PLCXD2: variants seen among roughly 807,000 people sequenced by gnomAD.
PLCXD2 encodes PI-PLC X domain-containing protein 2.
In PLCXD2, 21 loss-of-function variants were observed where a neutral mutation model predicts 28.6. That is an observed-to-expected ratio of 0.73 (90% CI 0.52 to 1.06). PLCXD2 has a LOEUF of 1.06. Ranked by LOEUF, PLCXD2 falls within the 50% of genes least tolerant of loss-of-function variation. PLCXD2 has a pLI of 0.00. For missense variants in PLCXD2, 369 were observed against 376.7 expected (o/e 0.98, Z 0.17); for synonymous variants, 140 against 150.1 (o/e 0.93, Z 0.49).
At chr3:111,691,879 G>A (rs1170005550) in intron 1 of PLCXD2, among the ~76,000 whole-genome samples, 4 of 152,212 alleles carry the variant, frequency 2.6e-5, no homozygotes, top group Non-Finnish European at 5.9e-5. Context: ...ATGAGATCAT[G>A]TAAGTAAAAT....
At chr3:111,695,142 AT>A (rs201248391) in intron 1 of PLCXD2, among the ~76,000 whole-genome samples, 9,495 of 126,756 alleles carry the variant, frequency 0.075, 363 homozygotes, top group South Asian at 0.15. Context: ...CCTAAATCTC[AT>A]TTTTTTACCC....
At chr3:111,704,590 C>T (rs1485355471) in intron 1 of PLCXD2, among the ~76,000 whole-genome samples, 4 of 152,126 alleles carry the variant, frequency 2.6e-5, no homozygotes, top group African/African-American at 4.8e-5. Context: ...AATAATTGCA[C>T]ATATTTATGG....
intron 1 of PLCXD2, among the ~76,000 whole-genome samples, chr3:111,688,843 A>G (rs1278232898): frequency 6.6e-6 from 1 of 151,382 alleles, no homozygotes; most frequent in African/African-American, 2.4e-5. Flanking sequence ...AAAAGAATTA[A>G]ATAAGATATA....
chr3:111,693,759 G>A (rs551772026), intron 1 of PLCXD2, among the ~76,000 whole-genome samples: 18 of 152,254 alleles, frequency 1.2e-4, no homozygotes, highest in African/African-American at 4.3e-4. Flanking sequence ...TCTTTTTTAA[G>A]ATGTTCATCT....
intron 1 of PLCXD2, among the ~76,000 whole-genome samples, chr3:111,701,184 T>C (rs1941037092): frequency 6.6e-6 from 1 of 152,234 alleles, no homozygotes; most frequent in Admixed American, 6.5e-5. Context: ...TAATTACAGT[T>C]CAGCACTTAC....
chr3:111,680,055 G>A (rs922651863), intron 1 of PLCXD2, among the ~76,000 whole-genome samples: 3 of 152,162 alleles, frequency 2.0e-5, no homozygotes, highest in African/African-American at 4.8e-5. Flanking sequence ...CATGTTGCTA[G>A]TGATCATTCC....
chr3:111,718,590 G>C (rs1283964916), intron 3 of PLCXD2, among the ~76,000 whole-genome samples: 1 of 152,170 alleles, frequency 6.6e-6, no homozygotes, highest in African/African-American at 2.4e-5. Context: ...TCCACTGAGA[G>C]AGGGAGGAGA....
intron 1 of PLCXD2, among the ~76,000 whole-genome samples, chr3:111,697,167 A>T (rs1940972572): frequency 6.6e-6 from 1 of 151,678 alleles, no homozygotes; most frequent in African/African-American, 2.4e-5. Flanking sequence ...CTACTTAAAT[A>T]AAAAAATCCC....
At chr3:111,721,792 G>A (rs1941349233) in intron 3 of PLCXD2, 1 of 152,224 alleles carries the variant, frequency 6.6e-6, no homozygotes, top group African/African-American at 2.4e-5. Flanking sequence ...TCTTGGAATT[G>A]CGTTTTATTA....
In PLCXD2 at chr3:111,707,942, C is replaced by A. The variant is rs1941142629; in HGVS notation, c.180C>A (p.Phe60Leu). The A allele has an allele frequency of 6.2e-7, 1 of 1,613,320 alleles. No individual in the cohort carries two copies. Among genetic ancestry groups the A allele is most frequent in the Non-Finnish European group, 8.5e-7 (1 of 1,179,656 alleles). Residue 60 changes from phenylalanine to leucine, a missense_variant, in exon 2 of 5, where the codon TTC (phenylalanine) becomes TTA (leucine). Transcript: ENST00000477665. ...TTTGTACAGGCTCACATGATTCATTCAGCTACTGGGTGGATGAAAAGTCCC... is the reference window on the plus strand; with the variant it reads ...TTTGTACAGGCTCACATGATTCATTAAGCTACTGGGTGGATGAAAAGTCCC...
intron 1 of PLCXD2, among the ~76,000 whole-genome samples, chr3:111,681,444 A>G (rs1940713545): frequency 1.3e-5 from 2 of 152,310 alleles, no homozygotes; most frequent in South Asian, 4.1e-4. Context: ...CTAGCTTGAG[A>G]GTGGGAATGT....
chr3:111,686,737 T>C (rs563334651), intron 1 of PLCXD2, among the ~76,000 whole-genome samples: 1 of 152,346 alleles, frequency 6.6e-6, no homozygotes, highest in African/African-American at 2.4e-5. Context: ...CAAAGAGATA[T>C]TATTAGAATA....
At chr3:111,716,916 G>A (rs1490556282) in intron 3 of PLCXD2, among the ~76,000 whole-genome samples, 1 of 152,192 alleles carries the variant, frequency 6.6e-6, no homozygotes, top group Non-Finnish European at 1.5e-5. Flanking sequence ...ACAGATATGT[G>A]TTCACAGAGG....
At chr3:111,697,651 C>T (rs1330237198) in intron 1 of PLCXD2, among the ~76,000 whole-genome samples, 2 of 151,862 alleles carry the variant, frequency 1.3e-5, no homozygotes, top group African/African-American at 4.8e-5. Flanking sequence ...ACTGTTTTTT[C>T]CATTTCAAAT....
intron 1 of PLCXD2, chr3:111,691,446 T>C (rs1940875067): frequency 6.6e-6 from 1 of 152,230 alleles, no homozygotes; most frequent in African/African-American, 2.4e-5. Flanking sequence ...GGATTCAGGC[T>C]CAGCTGTGGA....
chr3:111,685,969 T>C (rs143469325), intron 1 of PLCXD2, among the ~76,000 whole-genome samples: 3 of 152,290 alleles, frequency 2.0e-5, no homozygotes, highest in Non-Finnish European at 4.4e-5. Context: ...TCATAGGACG[T>C]TGGAGCTAAC....
chr3:111,685,996 G>A (rs2107842862), intron 1 of PLCXD2, among the ~76,000 whole-genome samples: 1 of 152,300 alleles, frequency 6.6e-6, no homozygotes, highest in Non-Finnish European at 1.5e-5. Flanking sequence ...AATACCTTGG[G>A]CAATGGAATG....
chr3:111,720,473 C>A (rs1414175422), intron 3 of PLCXD2, among the ~76,000 whole-genome samples: 1 of 152,132 alleles, frequency 6.6e-6, no homozygotes, highest in African/African-American at 2.4e-5. Flanking sequence ...CATGGTATCT[C>A]TTTGATGCTG....
At chr3:111,714,890 C>G (rs1456517462) in intron 3 of PLCXD2, among the ~76,000 whole-genome samples, 1 of 152,178 alleles carries the variant, frequency 6.6e-6, no homozygotes, top group Non-Finnish European at 1.5e-5. Context: ...CAGGGAATCC[C>G]TTGCAATCCA....
Sources: gnomAD v4.1 joint callset for allele counts (sites outside exome capture counted in the v4.1 genomes callset) on GRCh38, gnomAD v4.1.1 for gene constraint, MANE v1.5 for transcripts, NCBI Gene and HGNC (gene_info 2026-07-23, HGNC 2026-07-21) for gene names.